The following UBE2E3 variants were observed in gnomAD, a reference collection of about 807,000 sequenced individuals.
UBE2E3 encodes the protein ubiquitin-conjugating enzyme E2 E3.
In UBE2E3, 5 loss-of-function variants were observed where a neutral mutation model predicts 23.6. The ratio of observed to expected loss-of-function variants is 0.21; its 90% CI spans 0.11 to 0.44. UBE2E3 has a LOEUF of 0.44. Ranked by LOEUF, UBE2E3 falls within the 20% of genes least tolerant of loss-of-function variation. The pLI, the probability that UBE2E3 is intolerant of heterozygous loss-of-function variation, is 0.99. For missense variants in UBE2E3, 81 were observed against 249.8 expected (o/e 0.32, Z 4.55); for synonymous variants, 78 against 87.5 (o/e 0.89, Z 0.60).
chr2:181,003,081 C>G (rs1025171949), intron 3 of UBE2E3, among the ~76,000 whole-genome samples: 1 of 152,110 alleles, frequency 6.6e-6, no homozygotes, highest in African/African-American at 2.4e-5. Flanking sequence ...TCTCTCTGTT[C>G]CTTTTGAGAA....
intron 3 of UBE2E3, among the ~76,000 whole-genome samples, chr2:181,005,105 T>G (rs758800105): frequency 6.6e-6 from 1 of 152,214 alleles, no homozygotes; most frequent in Non-Finnish European, 1.5e-5. Flanking sequence ...AAGTAAAACA[T>G]AAATTTGTTG....
chr2:181,022,690 A>G (rs1315667737), intron 3 of UBE2E3, among the ~76,000 whole-genome samples: 2 of 152,096 alleles, frequency 1.3e-5, no homozygotes, highest in East Asian at 1.9e-4. Flanking sequence ...AAAAAGCACA[A>G]AAATGCAAAA....
At chr2:181,030,586 A>T (rs78952739) in intron 3 of UBE2E3, among the ~76,000 whole-genome samples, 6,435 of 152,188 alleles carry the variant, frequency 0.042, 195 homozygotes, top group African/African-American at 0.079. Context: ...GAGAAAAAAA[A>T]TTATTTTTTT....
chr2:180,997,852 G>A (rs4667005), intron 3 of UBE2E3, among the ~76,000 whole-genome samples: 117,801 of 152,022 alleles, frequency 0.77, 45,878 homozygotes, highest in East Asian at 0.87. Context: ...GCCTATTTCA[G>A]ATGTTACATC....
At chr2:181,057,575 TTA>T in intron 3 of UBE2E3, 116 bp from the exon 4 acceptor site, 1 of 796,932 alleles carries the variant, frequency 1.3e-6, no homozygotes, top group East Asian at 2.5e-5. Flanking sequence ...TCTTTTATAC[TTA>T]TTTTACTTCT....
chr2:181,037,274 GTTATT>G (rs1327734132), intron 3 of UBE2E3, among the ~76,000 whole-genome samples: 1 of 152,030 alleles, frequency 6.6e-6, no homozygotes, highest in Non-Finnish European at 1.5e-5. Flanking sequence ...ACTTTTTATT[GTTATT>G]TTAGAGTGTA....
At chr2:181,046,842 A>G (rs1157675060) in intron 3 of UBE2E3, among the ~76,000 whole-genome samples, 9 of 152,148 alleles carry the variant, frequency 5.9e-5, no homozygotes. Context: ...TAGTGCCTTT[A>G]CAGCACTCTT....
intron 3 of UBE2E3, among the ~76,000 whole-genome samples, chr2:181,000,575 GAC>G (rs1486447449): frequency 1.7e-4 from 24 of 142,464 alleles, no homozygotes; most frequent in Non-Finnish European, 3.0e-4. Flanking sequence ...TTTTTTTTGA[GAC>G]AGAGTCTCGC....
intron 3 of UBE2E3, among the ~76,000 whole-genome samples, chr2:181,048,198 C>T (rs1009006110): frequency 6.6e-6 from 1 of 152,094 alleles, no homozygotes; most frequent in African/African-American, 2.4e-5. Context: ...AATACCTTGC[C>T]TTTGTAGCGT....
chr2:181,043,770 G>GTTTACACAATAT (rs1686587586), intron 3 of UBE2E3, among the ~76,000 whole-genome samples: 4 of 151,952 alleles, frequency 2.6e-5, no homozygotes, highest in African/African-American at 9.7e-5. Context: ...TATGATTACT[G>GTTTACACAATAT]GTGTGTATGT....
chr2:180,985,891 A>G (rs566070920), intron 3 of UBE2E3, among the ~76,000 whole-genome samples: 1 of 152,184 alleles, frequency 6.6e-6, no homozygotes, highest in East Asian at 1.9e-4. Flanking sequence ...CCCTCAGAGC[A>G]ATAGCCTAGT....
At chr2:180,994,235 C>G (rs546723709) in intron 3 of UBE2E3, among the ~76,000 whole-genome samples, 2 of 152,250 alleles carry the variant, frequency 1.3e-5, no homozygotes, top group Admixed American at 1.3e-4. Context: ...TTGCAATTAT[C>G]ACTTTTCCCT....
chr2:180,990,743 ACAT>A (rs1340966874), intron 3 of UBE2E3, among the ~76,000 whole-genome samples: 1 of 152,198 alleles, frequency 6.6e-6, no homozygotes, highest in Non-Finnish European at 1.5e-5. Flanking sequence ...TACTAAAGTA[ACAT>A]CATGGAGAAA....
chr2:181,019,102 T>C (rs890770038), intron 3 of UBE2E3, among the ~76,000 whole-genome samples: 1 of 152,208 alleles, frequency 6.6e-6, no homozygotes, highest in African/African-American at 2.4e-5. Context: ...TAGCTGGGAC[T>C]ACAGGCATGT....
intron 3 of UBE2E3, among the ~76,000 whole-genome samples, chr2:181,031,920 G>T (rs55660649): frequency 0.028 from 4,254 of 152,232 alleles, 99 homozygotes; most frequent in African/African-American, 0.055. Context: ...TAAAATGCCA[G>T]TTGCTTCTGT....
At chr2:181,049,422 C>A (rs556398381) in intron 3 of UBE2E3, among the ~76,000 whole-genome samples, 22 of 152,120 alleles carry the variant, frequency 1.4e-4, no homozygotes, top group African/African-American at 5.3e-4. Flanking sequence ...TAAATTATTT[C>A]ACCTTGTGTA....
chr2:181,009,980 G>A (rs571935629), intron 3 of UBE2E3, among the ~76,000 whole-genome samples: 1 of 151,698 alleles, frequency 6.6e-6, no homozygotes, highest in Admixed American at 6.6e-5. Flanking sequence ...TTTGTATTTT[G>A]ATATTTTAAA....
At chr2:181,060,093 G>T (rs1053970178) in intron 4 of UBE2E3, among the ~76,000 whole-genome samples, 1 of 151,556 alleles carries the variant, frequency 6.6e-6, no homozygotes, top group Non-Finnish European at 1.5e-5. Context: ...AGCCTAACAA[G>T]ACAGTGAACC....
chr2:180,984,498 T>G (rs961953411), intron 3 of UBE2E3, among the ~76,000 whole-genome samples: 3 of 152,216 alleles, frequency 2.0e-5, no homozygotes, highest in Non-Finnish European at 2.9e-5. Context: ...TGTTACAAAA[T>G]GTAAATGCAG....
Sources: gnomAD v4.1 joint callset for allele counts (sites outside exome capture counted in the v4.1 genomes callset) on GRCh38, gnomAD v4.1.1 for gene constraint, MANE v1.5 for transcripts, NCBI Gene and HGNC (gene_info 2026-07-23, HGNC 2026-07-21) for gene names.